The following CLVS1 variants were observed in gnomAD, a reference collection of about 807,000 sequenced individuals.
CLVS1 encodes the protein clavesin 1.
CLVS1 carries 10 observed loss-of-function variants against 33.1 expected under a neutral mutation model. The ratio of observed to expected loss-of-function variants is 0.30; its 90% CI spans 0.19 to 0.51. The LOEUF is 0.51. Ranked by LOEUF, CLVS1 falls within the 20% of genes least tolerant of loss-of-function variation. The pLI is 0.97. For synonymous variants in CLVS1, 163 were observed against 166.1 expected, an observed-to-expected ratio of 0.98 and a Z score of 0.14; for missense variants, 343 against 433.4, an observed-to-expected ratio of 0.79 and a Z score of 1.85.
intron 3 of CLVS1, among the ~76,000 whole-genome samples, chr8:61,398,569 G>T (rs1814628059): frequency 6.6e-6 from 1 of 151,900 alleles, no homozygotes; most frequent in African/African-American, 2.4e-5. Flanking sequence ...TTAGTTCAGG[G>T]GTACATGTGC....
chr8:61,096,025 T>C (rs980507798), intron 1 of CLVS1, among the ~76,000 whole-genome samples: 1 of 152,222 alleles, frequency 6.6e-6, no homozygotes, highest in African/African-American at 2.4e-5. Flanking sequence ...TAAGGAAATG[T>C]GATCGTGCTG....
upstream of CLVS1, among the ~76,000 whole-genome samples, chr8:61,286,783 T>C (rs1270946287): frequency 6.6e-6 from 1 of 152,246 alleles, no homozygotes. Flanking sequence ...GTGAAAACTT[T>C]AAGCAAATAC....
intron 2 of CLVS1, among the ~76,000 whole-genome samples, chr8:61,171,509 G>A (rs1340898331): frequency 6.6e-6 from 1 of 152,142 alleles, no homozygotes; most frequent in East Asian, 1.9e-4. Flanking sequence ...TTTGCCTTCT[G>A]TTCAATAAGG....
intron 2 of CLVS1, among the ~76,000 whole-genome samples, chr8:61,231,940 T>A (rs1027347691): frequency 1.3e-5 from 2 of 151,616 alleles, no homozygotes; most frequent in African/African-American, 4.9e-5. Context: ...CCTCTATGCA[T>A]GTATTTTGCT....
At chr8:61,461,332 C>T (rs926662621) in intron 5 of CLVS1, among the ~76,000 whole-genome samples, 5 of 152,164 alleles carry the variant, frequency 3.3e-5, no homozygotes, top group African/African-American at 1.2e-4. Context: ...ACTCAACCTT[C>T]ACCATAAATT....
the CLVS1 span, among the ~76,000 whole-genome samples, chr8:60,984,268 C>G: frequency 2.0e-5 from 3 of 151,898 alleles, no homozygotes. Flanking sequence ...CTTGTCCTCA[C>G]TTACAAAGAG....
At chr8:61,353,893 T>C (rs1212900702) in intron 2 of CLVS1, among the ~76,000 whole-genome samples, 1 of 151,678 alleles carries the variant, frequency 6.6e-6, no homozygotes, top group African/African-American at 2.4e-5. Flanking sequence ...ATATTGGAAA[T>C]GAAGTAGGTG....
intron 2 of CLVS1, among the ~76,000 whole-genome samples, chr8:61,146,021 A>G (rs1454262755): frequency 6.6e-6 from 1 of 152,190 alleles, no homozygotes; most frequent in East Asian, 1.9e-4. Context: ...GACCTATTGC[A>G]TTGCTGTGCA....
chr8:61,005,896 CG>C, the CLVS1 span, among the ~76,000 whole-genome samples: 2 of 152,088 alleles, frequency 1.3e-5, no homozygotes. Flanking sequence ...CCAGCCGAGG[CG>C]GGGGAGTCGG....
chr8:61,345,628 GTGTGTGTGTA>G (rs796691921), intron 2 of CLVS1, among the ~76,000 whole-genome samples: 23 of 147,432 alleles, frequency 1.6e-4, no homozygotes, highest in African/African-American at 5.6e-4. Context: ...AGGGGTGTGT[GTGTGTGTGTA>G]TGTGTGTGTG....
At chr8:61,394,856 A>AT (rs1814459588) in intron 3 of CLVS1, among the ~76,000 whole-genome samples, 2 of 152,288 alleles carry the variant, frequency 1.3e-5, no homozygotes, top group Admixed American at 1.3e-4. Context: ...ATCATTCATC[A>AT]TTTTGATAAT....
At chr8:61,183,944 T>C (rs1188670857) in intron 2 of CLVS1, among the ~76,000 whole-genome samples, 4 of 152,100 alleles carry the variant, frequency 2.6e-5, no homozygotes, top group African/African-American at 9.7e-5. Context: ...GAATATAACG[T>C]GTTGTTTCGG....
chr8:60,985,016 A>G, the CLVS1 span, among the ~76,000 whole-genome samples: 1 of 152,286 alleles, frequency 6.6e-6, no homozygotes, highest in Non-Finnish European at 1.5e-5. Context: ...GTTCATTTGC[A>G]CCCTTTGCCC....
intron 2 of CLVS1, among the ~76,000 whole-genome samples, chr8:61,246,140 T>TTG (rs1249204558): frequency 1.3e-5 from 2 of 149,914 alleles, no homozygotes; most frequent in Non-Finnish European, 3.0e-5. Context: ...ATTAACATCT[T>TTG]TAAACCCTTT....
At chr8:61,336,963 C>T (rs1202840510) in intron 2 of CLVS1, among the ~76,000 whole-genome samples, 1 of 152,146 alleles carries the variant, frequency 6.6e-6, no homozygotes, top group African/African-American at 2.4e-5. Flanking sequence ...AATTGGGAAA[C>T]ATAAGGTAAA....
chr8:61,489,162 G>A (rs1034242626), intron 5 of CLVS1, among the ~76,000 whole-genome samples: 4 of 151,928 alleles, frequency 2.6e-5, no homozygotes, highest in African/African-American at 7.3e-5. Context: ...TTCATTTGCT[G>A]CGCCTAAAAC....
chr8:61,382,112 C>T (rs917697917), intron 3 of CLVS1, among the ~76,000 whole-genome samples: 3 of 152,022 alleles, frequency 2.0e-5, no homozygotes, highest in Non-Finnish European at 2.9e-5. Context: ...TTGGCAAATC[C>T]AAAGTGCCAT....
At chr8:61,201,043 A>G (rs1282898468) in intron 2 of CLVS1, among the ~76,000 whole-genome samples, 2 of 152,204 alleles carry the variant, frequency 1.3e-5, no homozygotes, top group Non-Finnish European at 2.9e-5. Context: ...ACTAAATTGC[A>G]ATCCTTTCCT....
rs572937654 is a variant in CLVS1 at position 61,104,135 on chromosome 8, C to A, written c.-242-27635C>A. On this transcript the variant is annotated intron_variant, in intron 1 of 2. Coordinates refer to the CLVS1 transcript ENST00000522621. ...AAATAAGCAAATTTAGCTCATTGTT[C>A]TTCTTTGAAGAGCAAAATCATCCTT... 2.9e-4 allele frequency among the ~76,000 whole-genome samples: 44 copies of A among 152,256 alleles called. No individual in the cohort carries two copies. The South Asian group carries it at 8.3e-3, about 29-fold the overall frequency.
Sources: allele counts gnomAD v4.1 joint callset (sites outside exome capture counted in the v4.1 genomes callset), GRCh38; gene constraint gnomAD v4.1.1; transcripts MANE v1.5; gene names NCBI Gene and HGNC (gene_info 2026-07-23, HGNC 2026-07-21).